The following CSNK1G3 variants were observed in gnomAD, a reference collection of about 807,000 sequenced individuals.
The protein encoded by CSNK1G3 is casein kinase 1 gamma 3, also known as casein kinase I isoform gamma-3.
A neutral mutation model predicts 64.3 loss-of-function variants in CSNK1G3; 23 were observed. The ratio of observed to expected loss-of-function variants is 0.36; its 90% CI spans 0.26 to 0.51. CSNK1G3 has a LOEUF of 0.51. Among genes scored for constraint, CSNK1G3 ranks in the 20% least tolerant of loss-of-function variants. The pLI, the probability that CSNK1G3 is intolerant of heterozygous loss-of-function variation, is 0.96. For synonymous variants in CSNK1G3, 158 were observed against 162.2 expected (o/e 0.97, Z 0.20); for missense variants, 357 against 510.5 (o/e 0.70, Z 2.90).
intron 6 of CSNK1G3, among the ~76,000 whole-genome samples, chr5:123,585,593 G>A (rs1282749061): frequency 1.3e-5 from 2 of 152,136 alleles, no homozygotes; most frequent in South Asian, 2.1e-4. Flanking sequence ...CTTGTGTCCA[G>A]AATATACAAG....
chr5:123,582,270 A>G (rs537066270), intron 6 of CSNK1G3, among the ~76,000 whole-genome samples: 1 of 152,168 alleles, frequency 6.6e-6, no homozygotes, highest in Non-Finnish European at 1.5e-5. Context: ...TTTCCAATCA[A>G]CATTGATTAA....
chr5:123,546,373 A>C (rs1782520520), intron 2 of CSNK1G3, among the ~76,000 whole-genome samples: 1 of 152,008 alleles, frequency 6.6e-6, no homozygotes, highest in African/African-American at 2.4e-5. Flanking sequence ...CAGAGTATTG[A>C]TTCAGGTTAT....
rs1026226249 is a variant in CSNK1G3, at chr5:123,590,570, A to G, written c.990+12A>G. ...TTGGTAAACAGTTGGTGAGTATTCT[A>G]TATAATAATATATTACTTACAGTAT... On this transcript the variant is annotated intron_variant, in intron 9 of 12. Coordinates refer to ENST00000345990, the Ensembl canonical transcript of CSNK1G3. 14 of 1,394,306 alleles carry G rather than the reference A, an allele frequency of 1.0e-5. No homozygotes were observed. The highest frequency in any genetic ancestry group is 1.5e-5 in the African/African-American group (1 of 66,088). 86.4% of individuals were successfully genotyped at this position (1,394,306 alleles called of 1,614,324 possible).
At chr5:123,612,966 G>C (rs1452521220) in intron 12 of CSNK1G3, among the ~76,000 whole-genome samples, 26 of 152,082 alleles carry the variant, frequency 1.7e-4, no homozygotes, top group Admixed American at 1.2e-3. Flanking sequence ...GTGGAAACCA[G>C]GGATACTCAA....
intron 10 of CSNK1G3, among the ~76,000 whole-genome samples, chr5:123,597,065 G>C (rs1294896207): frequency 6.6e-6 from 1 of 151,990 alleles, no homozygotes; most frequent in Non-Finnish European, 1.5e-5. Context: ...TATTATAATT[G>C]AATACTATAT....
At chr5:123,578,521 A>G (rs1351942968) in intron 6 of CSNK1G3, among the ~76,000 whole-genome samples, 1 of 151,850 alleles carries the variant, frequency 6.6e-6, no homozygotes. Context: ...TTTGTCATAT[A>G]TATGCATTAT....
At chr5:123,550,113 A>C (rs1291536125) in intron 2 of CSNK1G3, among the ~76,000 whole-genome samples, 2 of 152,192 alleles carry the variant, frequency 1.3e-5, no homozygotes, top group African/African-American at 4.8e-5. Context: ...TGAAGCTATT[A>C]TAAAACTTAC....
chr5:123,567,287 A>G (rs567888056), intron 4 of CSNK1G3, among the ~76,000 whole-genome samples: 1 of 152,324 alleles, frequency 6.6e-6, no homozygotes, highest in Non-Finnish European at 1.5e-5. Context: ...GCCAAACCAT[A>G]TCAGTGACTC....
chr5:123,576,432 A>C (rs749087403), intron 6 of CSNK1G3, among the ~76,000 whole-genome samples: 12 of 152,158 alleles, frequency 7.9e-5, no homozygotes, highest in Non-Finnish European at 1.3e-4. Flanking sequence ...CCTGTATGCT[A>C]ACTATGACTT....
chr5:123,529,894 T>C (rs1779654623), intron 1 of CSNK1G3, among the ~76,000 whole-genome samples: 1 of 152,088 alleles, frequency 6.6e-6, no homozygotes, highest in African/African-American at 2.4e-5. Context: ...ATGAGCACTT[T>C]GGGAGACCAA....
At chr5:123,583,386 G>T in intron 6 of CSNK1G3, among the ~76,000 whole-genome samples, 1 of 140,386 alleles carries the variant, frequency 7.1e-6, no homozygotes. Context: ...TTGAGACTGA[G>T]TTTCGCTCTT....
chr5:123,512,665 G>T (rs1446500973), intron 1 of CSNK1G3, 95 bp downstream of exon 1: 1 of 149,734 alleles, frequency 6.7e-6, no homozygotes, highest in African/African-American at 2.4e-5. Context: ...GTGGGGCTGG[G>T]GTCCCGGGCG....
At chr5:123,608,808 T>TA (rs766087184) in intron 12 of CSNK1G3, among the ~76,000 whole-genome samples, 18 of 152,304 alleles carry the variant, frequency 1.2e-4, no homozygotes, top group Middle Eastern at 3.4e-3. Context: ...TCAGTATTTT[T>TA]AAAAAACTTC....
chr5:123,610,460 C>T (rs1796129875), intron 12 of CSNK1G3, among the ~76,000 whole-genome samples: 1 of 151,778 alleles, frequency 6.6e-6, no homozygotes, highest in South Asian at 2.1e-4. Flanking sequence ...AACATCATAT[C>T]CAGATAGGGA....
At chr5:123,613,709 T>C (rs1170226226) in intron 12 of CSNK1G3, among the ~76,000 whole-genome samples, 1 of 152,150 alleles carries the variant, frequency 6.6e-6, no homozygotes, top group Middle Eastern at 3.2e-3. Flanking sequence ...GTCAGTATTA[T>C]ATTTTTTTGC....
At position 123,575,725 on chromosome 5, in the gene CSNK1G3, C is replaced by G. The variant is rs767040311; in HGVS notation, c.439-4C>G. 6.3e-7 allele frequency: 1 copy of G among 1,597,386 alleles called. No homozygotes were observed. The highest frequency in any genetic ancestry group is 1.1e-5 in the South Asian group (1 of 89,316). Reference sequence around the variant, plus strand: ...AACTTCTCTTCTTTTTTTCTTAAACCAAGATTTCTCGCATGGAATATGTCC... The same window carrying G: ...AACTTCTCTTCTTTTTTTCTTAAACGAAGATTTCTCGCATGGAATATGTCC... On this transcript the variant is annotated splice_region_variant and splice_polypyrimidine_tract_variant and intron_variant, in intron 5 of 12. Transcript: ENST00000345990.
chr5:123,538,185 G>A (rs1781137753), intron 1 of CSNK1G3, among the ~76,000 whole-genome samples: 1 of 152,038 alleles, frequency 6.6e-6, no homozygotes, highest in African/African-American at 2.4e-5. Context: ...ATTTCCTTGG[G>A]TAAACATCTA....
intron 10 of CSNK1G3, among the ~76,000 whole-genome samples, chr5:123,598,153 G>GT (rs113005306): frequency 5.3e-5 from 8 of 152,086 alleles, no homozygotes; most frequent in African/African-American, 1.9e-4. Context: ...CCTTTATTTT[G>GT]TATCAGCCTG....
intron 10 of CSNK1G3, among the ~76,000 whole-genome samples, chr5:123,599,198 A>G (rs903042501): frequency 2.6e-5 from 4 of 152,202 alleles, no homozygotes; most frequent in Non-Finnish European, 5.9e-5. Context: ...AACATTAAGG[A>G]CACTGCTGGA....
Sources: gnomAD v4.1 joint callset for allele counts (sites outside exome capture counted in the v4.1 genomes callset) on GRCh38, gnomAD v4.1.1 for gene constraint, MANE v1.5 for transcripts, NCBI Gene and HGNC (gene_info 2026-07-23, HGNC 2026-07-21) for gene names.